Variants in SEMA3C observed in about 807,000 individuals in gnomAD.
The protein encoded by SEMA3C is semaphorin 3C, also known as semaphorin-3C.
In SEMA3C, 47 loss-of-function variants were observed where a neutral mutation model predicts 89.4. The ratio of observed to expected loss-of-function variants is 0.53; its 90% CI spans 0.42 to 0.67. The LOEUF (loss-of-function observed/expected upper bound fraction) is 0.67. SEMA3C is among the 30% of genes least tolerant of loss of function. The pLI, the probability that SEMA3C is intolerant of heterozygous loss-of-function variation, is 0.00. For synonymous variants in SEMA3C, 310 were observed against 320.2 expected (o/e 0.97, Z 0.34); for missense variants, 839 against 929.1 (o/e 0.90, Z 1.26).
intron 11 of SEMA3C, chr7:80,793,533 T>C: frequency 2.4e-6 from 1 of 425,088 alleles, no homozygotes; most frequent in African/African-American, 2.1e-5. Context: ...AAAATAACAA[T>C]ATTATGACAA....
intron 2 of SEMA3C, among the ~76,000 whole-genome samples, chr7:80,866,878 T>G (rs530960444): frequency 6.6e-6 from 1 of 152,172 alleles, no homozygotes; most frequent in East Asian, 1.9e-4. Context: ...CTATATAGCT[T>G]AAAAACGGAC....
At chr7:80,904,564 T>C (rs1216452412) in intron 2 of SEMA3C, among the ~76,000 whole-genome samples, 3 of 152,196 alleles carry the variant, frequency 2.0e-5, no homozygotes, top group Non-Finnish European at 4.4e-5. Context: ...TTTGAGAATC[T>C]CAACTGTTGA....
chr7:80,856,908 C>T (rs1790655354), intron 2 of SEMA3C, among the ~76,000 whole-genome samples: 1 of 152,024 alleles, frequency 6.6e-6, no homozygotes, highest in South Asian at 2.1e-4. Flanking sequence ...ATTCCATTTG[C>T]CTCCCCCATG....
At chr7:80,891,960 T>C (rs1791625726) in intron 2 of SEMA3C, among the ~76,000 whole-genome samples, 1 of 152,268 alleles carries the variant, frequency 6.6e-6, no homozygotes, top group Admixed American at 6.5e-5. Flanking sequence ...TCTTTCCCAT[T>C]ATTTTATAAG....
chr7:80,905,898 G>GCATT (rs1562979548), intron 2 of SEMA3C: 2 of 1,289,404 alleles, frequency 1.6e-6, no homozygotes, highest in Admixed American at 2.3e-5. Context: ...GTAGCACACA[G>GCATT]CATTGTACAA....
At chr7:80,835,469 T>C (rs551064074) in intron 2 of SEMA3C, among the ~76,000 whole-genome samples, 2 of 152,268 alleles carry the variant, frequency 1.3e-5, no homozygotes, top group East Asian at 1.9e-4. Context: ...CAGGATAATT[T>C]CCTCTTTTGA....
At position 80,743,185 on chromosome 7, in the gene SEMA3C, C is replaced by T. The variant is rs1689752969; in HGVS notation, c.*1709G>A. On this transcript the variant is annotated 3_prime_UTR_variant, in exon 18 of 18. Transcript: ENST00000265361. ...TTATAATAAACTGCTTTAGAAATTA[C>T]TTTAAAATTATACACATTTGGAACA... 2 of 151,834 alleles carry T rather than the reference C, an allele frequency of 1.3e-5. No individual in the cohort carries two copies. Among genetic ancestry groups the T allele is most frequent in the Admixed American group, 1.3e-4 (2 of 15,244 alleles). 9.4% of individuals were successfully genotyped at this position (151,834 alleles called of 1,614,324 possible).
chr7:80,820,890 A>AT (rs1266939543), intron 4 of SEMA3C, among the ~76,000 whole-genome samples: 11 of 152,276 alleles, frequency 7.2e-5, no homozygotes, highest in African/African-American at 2.6e-4. Flanking sequence ...TCCCCATAAG[A>AT]TATAAATAAT....
At chr7:80,889,217 C>T (rs557861515) in intron 2 of SEMA3C, among the ~76,000 whole-genome samples, 80 of 152,168 alleles carry the variant, frequency 5.3e-4, no homozygotes, top group Non-Finnish European at 7.9e-4. Context: ...CATTTGACTT[C>T]GCAATAACCT....
chr7:80,909,643 A>T (rs1335549142), intron 2 of SEMA3C, among the ~76,000 whole-genome samples: 1 of 152,162 alleles, frequency 6.6e-6, no homozygotes, highest in Non-Finnish European at 1.5e-5. Flanking sequence ...CTCTAAGGCA[A>T]TACATAAATG....
At chr7:80,855,256 G>A (rs542112148) in intron 2 of SEMA3C, among the ~76,000 whole-genome samples, 92 of 152,158 alleles carry the variant, frequency 6.0e-4, no homozygotes, top group Non-Finnish European at 1.0e-3. Context: ...AAACTATAAT[G>A]GATGGTCATT....
intron 2 of SEMA3C, among the ~76,000 whole-genome samples, chr7:80,885,432 C>A (rs531126907): frequency 7.0e-4 from 107 of 152,136 alleles, no homozygotes; most frequent in African/African-American, 2.4e-3. Context: ...GCCTAACCAA[C>A]ATGACAAACC....
intron 4 of SEMA3C, among the ~76,000 whole-genome samples, chr7:80,820,167 C>T (rs1056751150): frequency 6.6e-6 from 1 of 151,168 alleles, no homozygotes; most frequent in African/African-American, 2.4e-5. Flanking sequence ...AAGTGATTCT[C>T]CTGCCTCAGC....
intron 2 of SEMA3C, among the ~76,000 whole-genome samples, chr7:80,844,466 C>G (rs947014954): frequency 1.3e-5 from 2 of 152,094 alleles, no homozygotes; most frequent in Non-Finnish European, 2.9e-5. Context: ...GTTTTATCAT[C>G]TAGCAAAGTT....
chr7:80,879,217 T>G (rs1404777966), intron 2 of SEMA3C, among the ~76,000 whole-genome samples: 1 of 150,398 alleles, frequency 6.6e-6, no homozygotes, highest in Non-Finnish European at 1.5e-5. Flanking sequence ...AAAAAAAAAA[T>G]AAAGAAAAAC....
At chr7:80,827,393 T>G (rs1232065018) in intron 4 of SEMA3C, 32 bp downstream of exon 4, 12 of 113,072 alleles carry the variant, frequency 1.1e-4, no homozygotes, top group Admixed American at 3.6e-4. Context: ...TAAGTTAGTG[T>G]TTTTTTTTTT....
intron 12 of SEMA3C, 125 bp downstream of exon 12, chr7:80,789,181 T>C: frequency 1.4e-6 from 1 of 695,362 alleles, no homozygotes; most frequent in Middle Eastern, 4.0e-4. Context: ...AATATCTCAC[T>C]AAGGGCTAGA....
intron 2 of SEMA3C, among the ~76,000 whole-genome samples, chr7:80,876,593 G>A (rs2116076814): frequency 6.6e-6 from 1 of 152,296 alleles, no homozygotes; most frequent in East Asian, 1.9e-4. Flanking sequence ...CATTTGCAAA[G>A]TGTGTTCCCA....
chr7:80,881,817 T>A (rs987449177), intron 2 of SEMA3C, among the ~76,000 whole-genome samples: 2 of 152,128 alleles, frequency 1.3e-5, no homozygotes, highest in African/African-American at 4.8e-5. Flanking sequence ...GGGGAAAATA[T>A]CAAGCCACAT....
Sources: allele counts gnomAD v4.1 joint callset (sites outside exome capture counted in the v4.1 genomes callset), GRCh38; gene constraint gnomAD v4.1.1; transcripts MANE v1.5; gene names NCBI Gene and HGNC (gene_info 2026-07-23, HGNC 2026-07-21).